Variants in COL6A5 observed in about 807,000 individuals in gnomAD.
COL6A5 encodes the protein collagen alpha-5(VI) chain.
A neutral mutation model predicts 65.6 loss-of-function variants in COL6A5; 48 were observed. That is an observed-to-expected ratio of 0.73 (90% confidence interval 0.58 to 0.93). The LOEUF (loss-of-function observed/expected upper bound fraction) is 0.93, where lower values mean the gene tolerates loss of function less well. COL6A5 is among the 40% of genes least tolerant of loss of function. The probability of loss-of-function intolerance (pLI) is 0.00; values close to 1 mark genes in which losing one functional copy is unlikely to be tolerated. For missense variants in COL6A5, 914 were observed against 928.3 expected, an observed-to-expected ratio of 0.98 and a Z score of 0.20; for synonymous variants, 291 against 322.8, an observed-to-expected ratio of 0.90 and a Z score of 1.05.
At chr3:130,469,532 G>C in intron 6 of COL6A5, 51 bp downstream of exon 38, 1 of 1,419,466 alleles carries the variant, frequency 7.0e-7, no homozygotes, top group Non-Finnish European at 9.7e-7. Flanking sequence ...TAATGTTTCT[G>C]TGTACAGTCC....
At chr3:130,468,602 T>C (rs1046453873) in intron 5 of COL6A5, among the ~76,000 whole-genome samples, 193 bp from the exon 38 acceptor site, 18 of 152,050 alleles carry the variant, frequency 1.2e-4, no homozygotes, top group Non-Finnish European at 2.5e-4. Flanking sequence ...CAAATGGTAA[T>C]GGCTCTGCAT....
At chr3:130,460,499 G>A (rs866419131) in intron 5 of COL6A5, among the ~76,000 whole-genome samples, 2 of 152,108 alleles carry the variant, frequency 1.3e-5, no homozygotes, top group African/African-American at 2.4e-5. Context: ...TGTATGTTTT[G>A]TGCAATCATT....
intron 1 of COL6A5, among the ~76,000 whole-genome samples, chr3:130,370,904 AG>A (rs1263382862): frequency 6.6e-6 from 1 of 152,210 alleles, no homozygotes; most frequent in Non-Finnish European, 1.5e-5. Context: ...AGCTAAGCCA[AG>A]GGATGTGGGC....
In COL6A5 at chr3:130,357,136, T is replaced by A. The variant is rs1260491877; in HGVS notation, c.-29+11155T>A. On this transcript the variant is annotated intron_variant and NMD_transcript_variant, in intron 1 of 41. Transcript: ENST00000312481. ...AGAATGAAAACAAATGTATTCTCTA[T>A]GAATGAGAAATTAGACATAACCCTA... Among the ~76,000 whole-genome samples the A allele has an allele frequency of 2.2e-4, 33 of 152,204 alleles. 1 individual carries two copies. In the East Asian group the frequency reaches 6.2e-3, roughly 28 times the overall value.
intron 10 of COL6A5, 115 bp from the exon 11 acceptor site, chr3:130,400,915 GT>G (rs1936791780): frequency 5.8e-6 from 5 of 861,062 alleles, no homozygotes; most frequent in Non-Finnish European, 8.4e-6. Context: ...TCTTATGTTT[GT>G]TTTTTTCCCC....
chr3:130,463,277 G>T (rs1159657078), intron 5 of COL6A5, among the ~76,000 whole-genome samples: 1 of 151,864 alleles, frequency 6.6e-6, no homozygotes, highest in Non-Finnish European at 1.5e-5. Context: ...CATGTGGCTT[G>T]CCTATGAAGA....
chr3:130,403,588 T>C, intron 12 of COL6A5, 21 bp from the exon 13 acceptor site: 1 of 1,549,056 alleles, frequency 6.5e-7, no homozygotes, highest in Non-Finnish European at 8.7e-7. Context: ...CTAAAATGTA[T>C]TGTTCTCTCT....
At position 130,385,435 on chromosome 3, in the gene COL6A5, G is replaced by T. The variant is rs1483961970; in HGVS notation, c.1861+71G>T. The T allele has an allele frequency of 2.1e-6, 3 of 1,423,208 alleles. No homozygotes were observed. The African/African-American group carries it at 4.3e-5, about 20-fold the overall frequency. 88.2% of individuals were successfully genotyped at this position (1,423,208 alleles called of 1,614,324 possible). On this transcript the variant is annotated intron_variant and NMD_transcript_variant, in intron 5 of 41. Coordinates refer to the COL6A5 transcript ENST00000312481. ...CTTTAGGCAGATTAATGGCCAGGCT[G>T]AGACAAGGCCTGATGTGACCAGTTG...
chr3:130,353,337 C>T (rs141120927), intron 1 of COL6A5, among the ~76,000 whole-genome samples: 9 of 152,034 alleles, frequency 5.9e-5, no homozygotes, highest in African/African-American at 1.2e-4. Context: ...GGGTCTGATG[C>T]GAAAATACTT....
intron 7 of COL6A5, among the ~76,000 whole-genome samples, chr3:130,476,260 A>C (rs1308485104): frequency 6.6e-6 from 1 of 152,002 alleles, no homozygotes; most frequent in Non-Finnish European, 1.5e-5. Flanking sequence ...TTCTCTTTTT[A>C]TAAGAGTAAC....
exon 4 of COL6A5, chr3:130,379,711 A>G (rs1456006836): frequency 6.4e-7 from 1 of 1,551,350 alleles, no homozygotes; most frequent in Non-Finnish European, 8.7e-7. Flanking sequence ...CATTGATCAG[A>G]TGAGAAGAGA....
chr3:130,470,535 A>AT (rs1217184724), intron 6 of COL6A5, among the ~76,000 whole-genome samples: 2 of 152,092 alleles, frequency 1.3e-5, no homozygotes, highest in Non-Finnish European at 2.9e-5. Flanking sequence ...ATTAAAAAAA[A>AT]AATAAAATAT....
At chr3:130,455,370 T>A (rs1709546955) in intron 4 of COL6A5, 85 bp from the exon 37 acceptor site, 1 of 756,108 alleles carries the variant, frequency 1.3e-6, no homozygotes, top group Admixed American at 2.8e-5. Flanking sequence ...AAGGAGATAA[T>A]TAAATATGTT....
At chr3:130,373,565 G>A in intron 1 of COL6A5, 46 bp from the exon 2 acceptor site, 1 of 860,014 alleles carries the variant, frequency 1.2e-6, no homozygotes, top group Non-Finnish European at 1.9e-6. Context: ...GTTACTTAAT[G>A]GTATAAAATA....
chr3:130,375,431 T>C (rs1056594168), intron 2 of COL6A5, among the ~76,000 whole-genome samples: 14 of 152,072 alleles, frequency 9.2e-5, no homozygotes, highest in African/African-American at 2.9e-4. Flanking sequence ...CCGGATGACA[T>C]GCCCTTCTCT....
intron 24 of COL6A5, among the ~76,000 whole-genome samples, chr3:130,418,657 G>A (rs889683687): frequency 2.0e-5 from 3 of 151,970 alleles, no homozygotes; most frequent in African/African-American, 7.2e-5. Context: ...TATAACACTG[G>A]AAAAGCAGCA....
intron 1 of COL6A5, among the ~76,000 whole-genome samples, chr3:130,434,245 T>C (rs1346437401): frequency 6.6e-6 from 1 of 152,222 alleles, no homozygotes; most frequent in Non-Finnish European, 1.5e-5. Context: ...GCTTCATCCA[T>C]GTCCCTGCAA....
intron 10 of COL6A5, 85 bp from the exon 11 acceptor site, chr3:130,400,946 T>G: frequency 1.8e-6 from 2 of 1,108,896 alleles, no homozygotes; most frequent in Non-Finnish European, 1.2e-6. Flanking sequence ...CTTTAAATCA[T>G]GTTCACTGAG....
At position 130,376,827 on chromosome 3, in the gene COL6A5, G is replaced by C. The variant is rs566688640; in HGVS notation, c.658G>C (p.Asp220His). ...GTATAAGGAGGGAGCCGTCGATGCTGATATGCAAGGTAAGGAAACCCTTGG... is the reference window on the plus strand; with the variant it reads ...GTATAAGGAGGGAGCCGTCGATGCTCATATGCAAGGTAAGGAAACCCTTGG... The change falls in exon 3 of 42, where the codon GAT becomes CAT. Residue 220 changes from aspartate to histidine, a missense_variant and NMD_transcript_variant. By Grantham distance (81) the Asp-to-His change is moderately conservative. Coordinates refer to the COL6A5 transcript ENST00000312481. 77 of 1,609,698 alleles carry C rather than the reference G, an allele frequency of 4.8e-5. No individual in the cohort carries two copies. The African/African-American group carries it at 8.4e-4, about 18-fold the overall frequency.
Sources: allele counts gnomAD v4.1 joint callset (sites outside exome capture counted in the v4.1 genomes callset), GRCh38; gene constraint gnomAD v4.1.1; transcripts MANE v1.5; gene names NCBI Gene and HGNC (gene_info 2026-07-23, HGNC 2026-07-21).